Variants in ZUP1 observed in about 807,000 individuals in gnomAD.
The protein encoded by ZUP1 is zinc finger containing ubiquitin peptidase 1, also known as zinc finger-containing ubiquitin peptidase 1.
A neutral mutation model predicts 68.1 loss-of-function variants in ZUP1; 55 were observed. The ratio of observed to expected loss-of-function variants is 0.81; its 90% CI spans 0.65 to 1.01. The LOEUF (loss-of-function observed/expected upper bound fraction) is 1.01. ZUP1 is among the 50% of genes least tolerant of loss of function. ZUP1 has a pLI of 0.00. For synonymous variants in ZUP1, 223 were observed against 221.5 expected, an observed-to-expected ratio of 1.01 and a Z score of -0.06; for missense variants, 684 against 674.9, an observed-to-expected ratio of 1.01 and a Z score of -0.15.
intron 5 of ZUP1, 102 bp downstream of exon 5, chr6:116,656,582 G>T: frequency 2.3e-6 from 2 of 879,920 alleles, no homozygotes; most frequent in Admixed American, 3.2e-5. Context: ...AAAAATATTT[G>T]TGCACAGATT....
At chr6:116,657,322 T>C (rs1776701715) in intron 4 of ZUP1, among the ~76,000 whole-genome samples, 1 of 152,244 alleles carries the variant, frequency 6.6e-6, no homozygotes, top group Non-Finnish European at 1.5e-5. Flanking sequence ...TCAAATAGTA[T>C]GTATAAAACT....
intron 9 of ZUP1, among the ~76,000 whole-genome samples, chr6:116,643,710 TG>T (rs1776195880): frequency 6.6e-6 from 1 of 152,314 alleles, no homozygotes; most frequent in South Asian, 2.1e-4. Flanking sequence ...AAGACTTACA[TG>T]TTAGACATAA....
chr6:116,664,323 T>C (rs778365636), intron 2 of ZUP1, among the ~76,000 whole-genome samples: 1 of 151,232 alleles, frequency 6.6e-6, no homozygotes, highest in Non-Finnish European at 1.5e-5. Flanking sequence ...CCCAGCTACT[T>C]GGGAGGCTGA....
chr6:116,657,379 G>A (rs1057169115), intron 4 of ZUP1, among the ~76,000 whole-genome samples: 1 of 152,106 alleles, frequency 6.6e-6, no homozygotes, highest in Non-Finnish European at 1.5e-5. Flanking sequence ...CTTTTCTACA[G>A]AAAAATTTTC....
intron 8 of ZUP1, chr6:116,646,358 T>C (rs1583365841): frequency 6.4e-6 from 1 of 155,098 alleles, no homozygotes; most frequent in East Asian, 1.9e-4. Context: ...AACAATGAAA[T>C]TCCTAACATT....
intron 9 of ZUP1, 101 bp downstream of exon 9, chr6:116,645,613 G>GAAAAAAAAAAAAAAA: frequency 1.5e-6 from 1 of 671,604 alleles, no homozygotes; most frequent in East Asian, 3.2e-5. Context: ...AAAAAGAATA[G>GAAAAAAAAAAAAAAA]AAAAAAAAGA....
chr6:116,635,657 C>G lies in ZUP1; in HGVS notation c.*175G>C, dbSNP rs565946086. ...AAGACATTTTATTGAAATAATTTACCAAACAATGAAGTATGATAGGTATAA... is the reference window on the plus strand; with the variant it reads ...AAGACATTTTATTGAAATAATTTACGAAACAATGAAGTATGATAGGTATAA... On this transcript the variant is annotated 3_prime_UTR_variant, in exon 10 of 10. Coordinates refer to ENST00000368576, the MANE Select transcript of ZUP1 (RefSeq NM_145062.3). 3 of 449,972 alleles carry G rather than the reference C, an allele frequency of 6.7e-6. No individual in the cohort carries two copies. Among genetic ancestry groups the G allele is most frequent in the East Asian group, 7.4e-5 (2 of 27,110 alleles). 27.9% of individuals were successfully genotyped at this position (449,972 alleles called of 1,614,324 possible). A position where few individuals can be genotyped will look rare whatever the true frequency, so the allele number is the denominator to read the frequency against.
intron 9 of ZUP1, among the ~76,000 whole-genome samples, chr6:116,638,400 G>A (rs1365744682): frequency 6.6e-6 from 1 of 152,056 alleles, no homozygotes; most frequent in Non-Finnish European, 1.5e-5. Flanking sequence ...GTAGTAGCTA[G>A]GATTCAATTC....
intron 2 of ZUP1, among the ~76,000 whole-genome samples, chr6:116,663,952 A>C (rs1776918978): frequency 6.6e-6 from 1 of 152,088 alleles, no homozygotes; most frequent in Non-Finnish European, 1.5e-5. Flanking sequence ...GTCTCAAAAA[A>C]TATAAAATAA....
At chr6:116,640,777 C>G (rs1429185684) in intron 9 of ZUP1, among the ~76,000 whole-genome samples, 6 of 151,614 alleles carry the variant, frequency 4.0e-5, no homozygotes, top group East Asian at 1.9e-4. Flanking sequence ...GAAACTGCAT[C>G]AACTAACAAG....
At chr6:116,661,298 C>T (rs771086840) in intron 2 of ZUP1, among the ~76,000 whole-genome samples, 10 of 151,978 alleles carry the variant, frequency 6.6e-5, no homozygotes, top group Non-Finnish European at 1.3e-4. Flanking sequence ...TTTTCTACTT[C>T]TAGGGTCGAG....
intron 8 of ZUP1, 71 bp from the exon 9 acceptor site, chr6:116,646,005 T>C (rs531313853): frequency 1.3e-5 from 14 of 1,086,280 alleles, no homozygotes; most frequent in Admixed American, 2.3e-5. Context: ...TCTGTATGTA[T>C]GTTGTGTGAT....
At chr6:116,648,907 T>A (rs1484630243) in intron 7 of ZUP1, among the ~76,000 whole-genome samples, 3 of 151,260 alleles carry the variant, frequency 2.0e-5, no homozygotes, top group Non-Finnish European at 4.4e-5. Flanking sequence ...GAGGCAGGGG[T>A]TGCAGTGAGC....
chr6:116,663,252 C>T (rs1165369419), intron 2 of ZUP1, among the ~76,000 whole-genome samples: 3 of 133,620 alleles, frequency 2.2e-5, no homozygotes, highest in South Asian at 2.3e-4. Flanking sequence ...TCATTCATTA[C>T]CCCCCTCATG....
chr6:116,665,542 T>A (rs1360524926), intron 2 of ZUP1, among the ~76,000 whole-genome samples: 2 of 150,912 alleles, frequency 1.3e-5, no homozygotes, highest in Admixed American at 1.3e-4. Flanking sequence ...AAAAAAGAAC[T>A]TGTATCCAAA....
chr6:116,656,621 C>T, intron 5 of ZUP1, 63 bp downstream of exon 5: 1 of 1,284,732 alleles, frequency 7.8e-7, no homozygotes, highest in African/African-American at 1.5e-5. Flanking sequence ...TAAAATGATT[C>T]TGATTATTAC....
chr6:116,645,636 C>T, intron 9 of ZUP1, 78 bp downstream of exon 9: 2 of 788,182 alleles, frequency 2.5e-6, no homozygotes, highest in Non-Finnish European at 3.7e-6. Flanking sequence ...AAAGTGATAA[C>T]ACTGATTTTA....
intron 9 of ZUP1, among the ~76,000 whole-genome samples, chr6:116,640,086 C>T (rs1467173151): frequency 5.3e-5 from 8 of 152,086 alleles, no homozygotes; most frequent in Non-Finnish European, 2.9e-5. Flanking sequence ...GAAAGGGTAT[C>T]AGCGATGGAA....
At chr6:116,649,708 G>A (rs1266371509) in intron 7 of ZUP1, among the ~76,000 whole-genome samples, 1 of 152,148 alleles carries the variant, frequency 6.6e-6, no homozygotes, top group Non-Finnish European at 1.5e-5. Context: ...AACGATATTT[G>A]AGAGTTCCCC....
Sources: allele counts gnomAD v4.1 joint callset (sites outside exome capture counted in the v4.1 genomes callset), GRCh38; gene constraint gnomAD v4.1.1; transcripts MANE v1.5; gene names NCBI Gene and HGNC (gene_info 2026-07-23, HGNC 2026-07-21).